Variants in YIF1B observed in about 807,000 individuals in gnomAD.
YIF1B encodes the protein Yip1 interacting factor homolog B, membrane trafficking protein, also known as protein YIF1B.
Under a neutral mutation model 34.6 loss-of-function variants are expected in YIF1B, and 24 were observed. The observed-to-expected ratio is 0.69, with a 90% confidence interval of 0.50 to 0.98. YIF1B has a LOEUF of 0.98. YIF1B is among the 50% of genes least tolerant of loss of function. The pLI, the probability that YIF1B is intolerant of heterozygous loss-of-function variation, is 0.00. For synonymous variants in YIF1B, 186 were observed against 184.8 expected, an observed-to-expected ratio of 1.01 and a Z score of -0.05; for missense variants, 368 against 429.4, an observed-to-expected ratio of 0.86 and a Z score of 1.26.
At chr19:38,320,919 G>C (rs1162807833), upstream of YIF1B, among the ~76,000 whole-genome samples, 1 of 152,042 alleles carries the variant, frequency 6.6e-6, no homozygotes, top group Non-Finnish European at 1.5e-5. Context: ...TCTAAGCCTA[G>C]GACTGTCCTC....
intron 5 of YIF1B, 29 bp downstream of exon 5, chr19:38,308,763 T>C (rs1335797843): frequency 6.2e-7 from 1 of 1,613,610 alleles, no homozygotes; most frequent in African/African-American, 1.3e-5. Flanking sequence ...AAACCCCACC[T>C]TATTCGGCCT....
Position 38,304,588 on chromosome 19 carries a change from T to C in YIF1B, c.*764A>G, listed in dbSNP as rs748952784. The C allele has an allele frequency of 2.5e-6, 4 of 1,611,988 alleles. No individual in the cohort carries two copies. Among genetic ancestry groups the C allele is most frequent in the Non-Finnish European group, 8.5e-7 (1 of 1,179,532 alleles). ...AGGCCTCCAACTTCAGGGGGCTGGGTAAGGGGCGCCGCCTCACTGCCGCAC... is the reference window on the plus strand; with the variant it reads ...AGGCCTCCAACTTCAGGGGGCTGGGCAAGGGGCGCCGCCTCACTGCCGCAC... On this transcript the variant is annotated 3_prime_UTR_variant, in exon 8 of 8. Transcript: ENST00000339413.
chr19:38,305,811 G>A (rs1431373176), intron 7 of YIF1B, among the ~76,000 whole-genome samples: 1 of 152,332 alleles, frequency 6.6e-6, no homozygotes, highest in South Asian at 2.1e-4. Context: ...CCGGCCTGAG[G>A]GGGTGGGAGA....
chr19:38,312,950 C>T (rs1188981169), intron 1 of YIF1B, among the ~76,000 whole-genome samples: 1 of 109,500 alleles, frequency 9.1e-6, no homozygotes, highest in Non-Finnish European at 2.1e-5. Flanking sequence ...CTTTCCCCTA[C>T]TTCTTCTTCT....
intron 1 of YIF1B, among the ~76,000 whole-genome samples, chr19:38,314,960 A>T (rs1425467608): frequency 2.0e-5 from 3 of 151,612 alleles, no homozygotes; most frequent in Non-Finnish European, 4.4e-5. Flanking sequence ...TTTCATGATC[A>T]GAATTATCCT....
chr19:38,308,919 C>T, intron 4 of YIF1B, 60 bp downstream of exon 4: 2 of 1,613,502 alleles, frequency 1.2e-6, no homozygotes, highest in Non-Finnish European at 1.7e-6. Flanking sequence ...GGCACCCACA[C>T]ACCCGCTCCA....
upstream of YIF1B, chr19:38,319,914 G>C: frequency 7.3e-7 from 1 of 1,376,968 alleles, no homozygotes; most frequent in Non-Finnish European, 9.3e-7. Context: ...CCACGTCAGC[G>C]GGGCCACCCA....
chr19:38,309,608 T>A lies in YIF1B; in HGVS notation c.94A>T (p.Met32Leu). The A allele has an allele frequency of 1.3e-6, 2 of 1,599,570 alleles. No homozygotes were observed. Among genetic ancestry groups the A allele is most frequent in the South Asian group, 2.3e-5 (2 of 88,808 alleles). ...KRRIPVSQPGMADPHQLFDDT... is the reference protein window; with the variant it reads ...KRRIPVSQPGLADPHQLFDDT... ...TCGAAAAGCTGGTGGGGGTCGGCCA[T>A]GCCCGGCTGGGACACAGGGATCCTC... Residue 32 changes from methionine (M) to leucine (L), a missense_variant, in exon 2 of 8, where the codon ATG becomes TTG. Physicochemically the swap from Met to Leu is conservative, Grantham distance 15. Coordinates refer to ENST00000339413, the MANE Select transcript of YIF1B (RefSeq NM_001039672.3).
upstream of YIF1B, chr19:38,317,377 A>T (rs1452499252): frequency 6.6e-6 from 1 of 152,140 alleles, no homozygotes; most frequent in African/African-American, 2.4e-5. Flanking sequence ...TGGAGACCTT[A>T]AGGGCTGCTC....
At chr19:38,314,733 A>T (rs879637965) in intron 1 of YIF1B, among the ~76,000 whole-genome samples, 3 of 143,624 alleles carry the variant, frequency 2.1e-5, no homozygotes, top group Non-Finnish European at 1.5e-5. Context: ...CAAGCCTCAG[A>T]CTCCCAAGTA....
At position 38,307,673 on chromosome 19, in the gene YIF1B, T is replaced by A. The variant is rs761551265; in HGVS notation, c.619A>T (p.Ser207Cys). Residue 207 changes from serine to cysteine, a missense_variant, in exon 6 of 8, where the codon AGC becomes TGC. Ser to Cys is a moderately radical substitution (Grantham distance 112, BLOSUM62 -1). This residue lies in a region of YIF1B where 208 missense variants were observed against 247.8 expected (regional missense o/e 0.84). Coordinates refer to ENST00000339413, the MANE Select transcript of YIF1B (RefSeq NM_001039672.3). Reference protein sequence around the residue: ...LTLEVLAILLSLYLVTVNTDL... With the variant: ...LTLEVLAILLCLYLVTVNTDL... Reference sequence around the variant, plus strand: ...GTGTTGACAGTGACCAGATAGAGGCTGAGCAGGATGGCCAGCACCTCCAGG... The same window carrying A: ...GTGTTGACAGTGACCAGATAGAGGCAGAGCAGGATGGCCAGCACCTCCAGG... The A allele has an allele frequency of 6.2e-6, 10 of 1,613,562 alleles. No homozygotes were observed. The highest frequency in any genetic ancestry group is 8.5e-6 in the Non-Finnish European group (10 of 1,179,974).
Position 38,304,837 on chromosome 19 carries a change from C to A in YIF1B, c.*515G>T. On this transcript the variant is annotated 3_prime_UTR_variant, in exon 8 of 8. Coordinates refer to ENST00000339413, the MANE Select transcript of YIF1B (RefSeq NM_001039672.3). ...TCTTCTCTCCCATCCCTGCCCTCGG[C>A]CCCACAGTCCCACGCTGCTGGCTCC... 1 of 1,613,706 alleles carries A rather than the reference C, an allele frequency of 6.2e-7. No homozygotes were observed. The highest frequency in any genetic ancestry group is 8.5e-7 in the Non-Finnish European group (1 of 1,179,972).
chr19:38,313,404 G>A (rs1372187729), intron 1 of YIF1B, among the ~76,000 whole-genome samples: 1 of 151,934 alleles, frequency 6.6e-6, no homozygotes, highest in East Asian at 1.9e-4. Context: ...GACTACAGAC[G>A]CCCACCACCA....
At position 38,309,596 on chromosome 19, in the gene YIF1B, G is replaced by A; in HGVS notation, c.106C>T (p.His36Tyr). 6.3e-7 allele frequency: 1 copy of A among 1,599,166 alleles called. No homozygotes were observed. Among genetic ancestry groups the A allele is most frequent in the Non-Finnish European group, 8.5e-7 (1 of 1,173,432 alleles). The change falls in exon 2 of 8, where the codon CAC becomes TAC. Residue 36 changes from histidine (H) to tyrosine (Y), a missense_variant. His to Tyr is a moderately conservative substitution (Grantham distance 83). This residue lies in a region of YIF1B where 153 missense variants were observed against 156.7 expected (regional missense o/e 0.98). Transcript: ENST00000339413. ...PVSQPGMADP[H>Y]QLFDDTSSAQ... Reference sequence around the variant, plus strand: ...GAACTTGTGTCATCGAAAAGCTGGTGGGGGTCGGCCATGCCCGGCTGGGAC... The same window carrying A: ...GAACTTGTGTCATCGAAAAGCTGGTAGGGGTCGGCCATGCCCGGCTGGGAC...
chr19:38,304,815 T>A lies in YIF1B; in HGVS notation c.*537A>T. Reference sequence around the variant, plus strand: ...TCGCTTCCAGCCCAGAACCATCTCTTCTCTCCCATCCCTGCCCTCGGCCCC... The same window carrying A: ...TCGCTTCCAGCCCAGAACCATCTCTACTCTCCCATCCCTGCCCTCGGCCCC... On this transcript the variant is annotated 3_prime_UTR_variant, in exon 8 of 8. Coordinates refer to ENST00000339413, the MANE Select transcript of YIF1B (RefSeq NM_001039672.3). 6.2e-7 allele frequency: 1 copy of A among 1,613,446 alleles called. No homozygotes were observed. Among genetic ancestry groups the A allele is most frequent in the Non-Finnish European group, 8.5e-7 (1 of 1,179,920 alleles).
Position 38,305,234 on chromosome 19 carries a change from G to A in YIF1B, c.*118C>T. The A allele has an allele frequency of 1.4e-6, 2 of 1,457,002 alleles. No individual in the cohort carries two copies. Among genetic ancestry groups the A allele is most frequent in the Non-Finnish European group, 1.8e-6 (2 of 1,098,754 alleles). 90.3% of individuals were successfully genotyped at this position (1,457,002 alleles called of 1,614,324 possible). A position where few individuals can be genotyped will look rare whatever the true frequency, so the allele number is the denominator to read the frequency against. The stretch of plus-strand genomic sequence containing the variant: ...GGCGGGGCTGGGCGGGACATGGGAT[G>A]GAGGCGGTGCCTGTGGCCAGACAGG... On this transcript the variant is annotated 3_prime_UTR_variant, in exon 8 of 8. Transcript: ENST00000339413.
Position 38,304,343 on chromosome 19 carries a change from G to T in YIF1B, c.*1009C>A. On this transcript the variant is annotated 3_prime_UTR_variant, in exon 8 of 8. Transcript: ENST00000339413. Reference sequence around the variant, plus strand: ...GGGGCCGGACTCAAGCCCAGAAGCTGCCTGCACCAACCACCCAACTTCTCT... The same window carrying T: ...GGGGCCGGACTCAAGCCCAGAAGCTTCCTGCACCAACCACCCAACTTCTCT... The T allele has an allele frequency of 6.2e-7, 1 of 1,609,766 alleles. No homozygotes were observed. Among genetic ancestry groups the T allele is most frequent in the Non-Finnish European group, 8.5e-7 (1 of 1,178,760 alleles).
chr19:38,309,347 A>C lies in YIF1B; in HGVS notation c.298-19T>G, dbSNP rs774695271. ...GGTCGATCTGGGGAGGCAGAGCTCA[A>C]GTCTGAAGCCCTGTGGCCCCGTGCA... On this transcript the variant is annotated intron_variant, in intron 2 of 7. Transcript: ENST00000339413. 4 of 1,613,664 alleles carry C rather than the reference A, an allele frequency of 2.5e-6. No individual in the cohort carries two copies. Among genetic ancestry groups the C allele is most frequent in the Admixed American group, 1.7e-5 (1 of 59,972 alleles).
At position 38,304,142 on chromosome 19, in the gene YIF1B, AGGTTG is replaced by A; in HGVS notation, c.*1205_*1209del. 1 of 1,236,744 alleles carries A rather than the reference AGGTTG, an allele frequency of 8.1e-7. No homozygotes were observed. The highest frequency in any genetic ancestry group is 1.3e-5 in the South Asian group (1 of 75,534). 76.6% of individuals were successfully genotyped at this position (1,236,744 alleles called of 1,614,324 possible). On this transcript the variant is annotated 3_prime_UTR_variant, in exon 8 of 8. Transcript: ENST00000339413. ...GAGTCAGGGCTGAGGACCAGGACAG[AGGTTG>A]GGTGGGGCGTCTCAGCATTCCTCCA...
Sources: allele counts gnomAD v4.1 joint callset (sites outside exome capture counted in the v4.1 genomes callset), GRCh38; gene constraint gnomAD v4.1.1; regional missense constraint gnomAD v4.1.1; transcripts MANE v1.5; gene names NCBI Gene and HGNC (gene_info 2026-07-23, HGNC 2026-07-21).